Variants in MAPKAP1 observed in about 807,000 individuals in gnomAD.
The protein encoded by MAPKAP1 is MAPK associated protein 1.
Under a neutral mutation model 65.7 loss-of-function variants are expected in MAPKAP1, and 20 were observed. That is an observed-to-expected ratio of 0.30 (90% confidence interval 0.21 to 0.44). The LOEUF (loss-of-function observed/expected upper bound fraction) is 0.44. Among genes scored for constraint, MAPKAP1 ranks in the 20% least tolerant of loss-of-function variants. The pLI is 1.00. For synonymous variants in MAPKAP1, 222 were observed against 244.3 expected (o/e 0.91, Z 0.85); for missense variants, 423 against 648.0 (o/e 0.65, Z 3.77).
chr9:125,527,705 A>C (rs1444705625), intron 7 of MAPKAP1, among the ~76,000 whole-genome samples: 1 of 152,126 alleles, frequency 6.6e-6, no homozygotes, highest in African/African-American at 2.4e-5. Context: ...TCCTACAGTA[A>C]CTTCCTCCTG....
At chr9:125,450,213 T>C (rs1351065654) in intron 10 of MAPKAP1, among the ~76,000 whole-genome samples, 1 of 152,190 alleles carries the variant, frequency 6.6e-6, no homozygotes, top group Non-Finnish European at 1.5e-5. Flanking sequence ...AGAATGAGCC[T>C]GCAGCCCACC....
chr9:125,629,979 A>G (rs1833230442), intron 4 of MAPKAP1, among the ~76,000 whole-genome samples: 1 of 152,204 alleles, frequency 6.6e-6, no homozygotes, highest in African/African-American at 2.4e-5. Context: ...TGTATGCTTC[A>G]GCTCACAAAC....
At chr9:125,618,619 C>T (rs1832811368) in intron 4 of MAPKAP1, among the ~76,000 whole-genome samples, 1 of 151,916 alleles carries the variant, frequency 6.6e-6, no homozygotes, top group African/African-American at 2.4e-5. Flanking sequence ...AAAAAGAATA[C>T]CAAGTGATTT....
chr9:125,689,038 C>T (rs1009304640), intron 1 of MAPKAP1, among the ~76,000 whole-genome samples: 2 of 152,194 alleles, frequency 1.3e-5, no homozygotes, highest in African/African-American at 2.4e-5. Context: ...TGACTACATA[C>T]TACACGCTGA....
intron 5 of MAPKAP1, among the ~76,000 whole-genome samples, chr9:125,564,325 A>C (rs1830983110): frequency 6.6e-6 from 1 of 152,244 alleles, no homozygotes; most frequent in African/African-American, 2.4e-5. Context: ...AATAAATGTA[A>C]TGTACCAAAT....
chr9:125,677,387 C>A (rs1186304189), intron 1 of MAPKAP1, among the ~76,000 whole-genome samples: 5 of 151,876 alleles, frequency 3.3e-5, no homozygotes, highest in Admixed American at 2.6e-4. Flanking sequence ...AGCAACGGAG[C>A]AAGACTCCAT....
At chr9:125,630,832 G>C (rs908382106) in intron 4 of MAPKAP1, among the ~76,000 whole-genome samples, 2 of 152,108 alleles carry the variant, frequency 1.3e-5, no homozygotes, top group Non-Finnish European at 2.9e-5. Flanking sequence ...ATTAGTTCCA[G>C]AGACAGCTGC....
intron 7 of MAPKAP1, among the ~76,000 whole-genome samples, chr9:125,511,620 A>G (rs182351625): frequency 1.1e-3 from 164 of 152,322 alleles, no homozygotes; most frequent in Non-Finnish European, 1.5e-3. Context: ...CTGACATGGG[A>G]GGAAAATAAA....
chr9:125,625,267 A>ATCAAT (rs745712709), intron 4 of MAPKAP1, among the ~76,000 whole-genome samples: 1 of 142,142 alleles, frequency 7.0e-6, no homozygotes, highest in Non-Finnish European at 1.5e-5. Flanking sequence ...AAAAAAAAAA[A>ATCAAT]AAAAAAAAAA....
intron 8 of MAPKAP1, among the ~76,000 whole-genome samples, chr9:125,502,703 T>C (rs1398719196): frequency 2.0e-5 from 3 of 152,204 alleles, no homozygotes; most frequent in Non-Finnish European, 4.4e-5. Flanking sequence ...TTGCTTAGCA[T>C]ATGGTCAATA....
Position 125,484,428 on chromosome 9 carries a change from T to C in MAPKAP1, c.1207+15A>G, listed in dbSNP as rs1330313257. 6.3e-7 allele frequency: 1 copy of C among 1,598,600 alleles called. No individual in the cohort carries two copies. Among genetic ancestry groups the C allele is most frequent in the Admixed American group, 1.7e-5 (1 of 58,102 alleles). ...TGACACGACAAGCTAGCTCATCACCTGCTCACACACTTACCTAGCTGTACG... is the reference window on the plus strand; with the variant it reads ...TGACACGACAAGCTAGCTCATCACCCGCTCACACACTTACCTAGCTGTACG... On this transcript the variant is annotated intron_variant, in intron 9 of 11. Transcript: ENST00000265960.
At chr9:125,480,613 A>G (rs993037203) in intron 9 of MAPKAP1, among the ~76,000 whole-genome samples, 5 of 152,216 alleles carry the variant, frequency 3.3e-5, no homozygotes, top group African/African-American at 9.6e-5. Flanking sequence ...ACCTGGAGAG[A>G]GGGCAATAGG....
intron 5 of MAPKAP1, among the ~76,000 whole-genome samples, chr9:125,573,669 TCTGTTCTCC>T (rs1831307471): frequency 6.6e-6 from 1 of 152,206 alleles, no homozygotes; most frequent in Admixed American, 6.5e-5. Context: ...ACAATCCCAC[TCTGTTCTCC>T]CTGTTCTTTG....
At chr9:125,547,577 G>C (rs1830464254) in intron 6 of MAPKAP1, among the ~76,000 whole-genome samples, 1 of 152,138 alleles carries the variant, frequency 6.6e-6, no homozygotes, top group African/African-American at 2.4e-5. Context: ...TGTTCCCCTT[G>C]CCCTAAGTCA....
chr9:125,536,198 T>C (rs1353980366), intron 7 of MAPKAP1, among the ~76,000 whole-genome samples: 1 of 152,168 alleles, frequency 6.6e-6, no homozygotes, highest in Non-Finnish European at 1.5e-5. Flanking sequence ...AATAGTTGAC[T>C]GCAATGCCAC....
At chr9:125,446,588 A>G (rs921068098) in intron 10 of MAPKAP1, among the ~76,000 whole-genome samples, 1 of 152,150 alleles carries the variant, frequency 6.6e-6, no homozygotes, top group Non-Finnish European at 1.5e-5. Context: ...GTGAACAAGC[A>G]CAGCCATCTA....
At chr9:125,639,616 G>A (rs1239834885) in intron 4 of MAPKAP1, among the ~76,000 whole-genome samples, 1 of 152,214 alleles carries the variant, frequency 6.6e-6, no homozygotes, top group Non-Finnish European at 1.5e-5. Flanking sequence ...GGCACGGGAA[G>A]AGACAAATTT....
At chr9:125,573,131 C>T (rs1564564797) in intron 5 of MAPKAP1, 1 of 148,440 alleles carries the variant, frequency 6.7e-6, no homozygotes, top group African/African-American at 2.6e-5. Context: ...GGTGTGTGAA[C>T]CAGAGCAACT....
intron 5 of MAPKAP1, among the ~76,000 whole-genome samples, chr9:125,574,705 C>G (rs567980188): frequency 6.6e-6 from 1 of 152,320 alleles, no homozygotes; most frequent in East Asian, 1.9e-4. Context: ...CTAAATTACA[C>G]TACTACTGCT....
Sources: allele counts gnomAD v4.1 joint callset (sites outside exome capture counted in the v4.1 genomes callset), GRCh38; gene constraint gnomAD v4.1.1; transcripts MANE v1.5; gene names NCBI Gene and HGNC (gene_info 2026-07-23, HGNC 2026-07-21).